The following HCN1 variants were observed in gnomAD, a reference collection of about 807,000 sequenced individuals.
The protein encoded by HCN1 is hyperpolarization activated cyclic nucleotide gated potassium channel 1, also known as potassium/sodium hyperpolarization-activated cyclic nucleotide-gated channel 1.
HCN1 carries 13 observed loss-of-function variants against 78.9 expected under a neutral mutation model. The ratio of observed to expected loss-of-function variants is 0.16; its 90% CI spans 0.11 to 0.26. The LOEUF is 0.26. HCN1 is among the 10% of genes least tolerant of loss of function. The pLI is 1.00. For synonymous variants in HCN1, 552 were observed against 455.5 expected, an observed-to-expected ratio of 1.21 and a Z score of -2.70; for missense variants, 810 against 1,154.3, an observed-to-expected ratio of 0.70 and a Z score of 4.32.
At chr5:45,352,284 C>A (rs1013681529) in intron 5 of HCN1, among the ~76,000 whole-genome samples, 1 of 151,562 alleles carries the variant, frequency 6.6e-6, no homozygotes, top group Admixed American at 6.6e-5. Context: ...GACAAAAAAT[C>A]GAACACCGCA....
chr5:45,553,138 C>G (rs1389579459), intron 2 of HCN1, among the ~76,000 whole-genome samples: 1 of 151,810 alleles, frequency 6.6e-6, no homozygotes, highest in Non-Finnish European at 1.5e-5. Context: ...TGTCCTAAAT[C>G]ACCTGCCCAG....
intron 2 of HCN1, among the ~76,000 whole-genome samples, chr5:45,625,411 G>T (rs1471937306): frequency 6.6e-6 from 1 of 152,000 alleles, no homozygotes; most frequent in African/African-American, 2.4e-5. Context: ...AGATAAGGTA[G>T]GGCACCCCAG....
intron 6 of HCN1, among the ~76,000 whole-genome samples, chr5:45,288,366 C>T (rs565864203): frequency 2.2e-4 from 34 of 152,014 alleles, no homozygotes; most frequent in African/African-American, 8.0e-4. Context: ...CTAGAATAGG[C>T]AAGAAGACAT....
At chr5:45,290,984 C>T (rs1473451960) in intron 6 of HCN1, among the ~76,000 whole-genome samples, 3 of 151,976 alleles carry the variant, frequency 2.0e-5, no homozygotes, top group Non-Finnish European at 4.4e-5. Context: ...GGCATATACT[C>T]ATTGTGTCCA....
chr5:45,335,733 C>T (rs901644606), intron 5 of HCN1, among the ~76,000 whole-genome samples: 5 of 152,066 alleles, frequency 3.3e-5, no homozygotes, highest in Non-Finnish European at 5.9e-5. Flanking sequence ...TTACTATGTG[C>T]CAGGCACTTT....
At chr5:45,528,326 A>G (rs1402721206) in intron 2 of HCN1, among the ~76,000 whole-genome samples, 1 of 151,896 alleles carries the variant, frequency 6.6e-6, no homozygotes. Context: ...AATAGCTTAT[A>G]TTTCATATAT....
At chr5:45,543,249 A>G (rs1050973367) in intron 2 of HCN1, among the ~76,000 whole-genome samples, 11 of 152,164 alleles carry the variant, frequency 7.2e-5, no homozygotes, top group African/African-American at 2.7e-4. Flanking sequence ...ACCAAGAACC[A>G]AAGATTTACT....
At chr5:45,595,601 T>C (rs1422458911) in intron 2 of HCN1, among the ~76,000 whole-genome samples, 2 of 152,172 alleles carry the variant, frequency 1.3e-5, no homozygotes, top group Non-Finnish European at 2.9e-5. Context: ...AGTCATTCTA[T>C]AGTCTAAAGA....
intron 2 of HCN1, among the ~76,000 whole-genome samples, chr5:45,595,321 G>T (rs762643522): frequency 1.3e-5 from 2 of 152,080 alleles, no homozygotes; most frequent in East Asian, 1.9e-4. Context: ...TGCAAATTAA[G>T]AATTTGATGC....
At chr5:45,498,410 T>A (rs1742099350) in intron 2 of HCN1, among the ~76,000 whole-genome samples, 1 of 152,202 alleles carries the variant, frequency 6.6e-6, no homozygotes, top group South Asian at 2.1e-4. Flanking sequence ...CTTCATGTAG[T>A]TCTCGAGCCT....
intron 2 of HCN1, among the ~76,000 whole-genome samples, chr5:45,515,673 C>G (rs759653821): frequency 1.6e-4 from 25 of 152,056 alleles, no homozygotes; most frequent in Non-Finnish European, 3.1e-4. Flanking sequence ...TACAATTCTA[C>G]TAACGTCCCA....
At chr5:45,532,023 G>C (rs1039519330) in intron 2 of HCN1, among the ~76,000 whole-genome samples, 2 of 152,198 alleles carry the variant, frequency 1.3e-5, no homozygotes, top group African/African-American at 4.8e-5. Flanking sequence ...CTGGGCGACA[G>C]AGCAAGACTC....
intron 2 of HCN1, among the ~76,000 whole-genome samples, chr5:45,472,859 A>G (rs981543198): frequency 6.6e-6 from 1 of 151,888 alleles, no homozygotes; most frequent in Non-Finnish European, 1.5e-5. Flanking sequence ...ATCCTTCATC[A>G]CATCACAATA....
At chr5:45,283,111 T>A (rs1452081129) in intron 6 of HCN1, among the ~76,000 whole-genome samples, 1 of 152,196 alleles carries the variant, frequency 6.6e-6, no homozygotes, top group Non-Finnish European at 1.5e-5. Flanking sequence ...GAAAATATAC[T>A]TTGATAGCAT....
chr5:45,623,720 A>G (rs1344512513), intron 2 of HCN1, among the ~76,000 whole-genome samples: 6 of 152,212 alleles, frequency 3.9e-5, no homozygotes, highest in South Asian at 2.1e-4. Flanking sequence ...AGGACAACAC[A>G]ATAATGAAAC....
intron 2 of HCN1, among the ~76,000 whole-genome samples, chr5:45,479,865 A>G (rs1038215853): frequency 6.6e-6 from 1 of 152,200 alleles, no homozygotes; most frequent in African/African-American, 2.4e-5. Flanking sequence ...ATTTTTAACT[A>G]ATCATTTCAC....
intron 3 of HCN1, among the ~76,000 whole-genome samples, chr5:45,406,580 T>C (rs1344879115): frequency 4.6e-5 from 7 of 152,172 alleles, no homozygotes; most frequent in African/African-American, 1.7e-4. Context: ...ATAAACTCTC[T>C]TCATTCCAAA....
At chr5:45,375,196 T>C (rs1304044664) in intron 4 of HCN1, among the ~76,000 whole-genome samples, 1 of 113,260 alleles carries the variant, frequency 8.8e-6, no homozygotes, top group Non-Finnish European at 1.7e-5. Context: ...TTATATATAA[T>C]ATAATATTTT....
intron 2 of HCN1, among the ~76,000 whole-genome samples, chr5:45,480,913 C>CTATGTCA (rs1277364611): frequency 6.6e-6 from 1 of 152,206 alleles, no homozygotes; most frequent in African/African-American, 2.4e-5. Context: ...CTTTCAAACA[C>CTATGTCA]TATGTCATAT....
Sources: gnomAD v4.1 joint callset for allele counts (sites outside exome capture counted in the v4.1 genomes callset) on GRCh38, gnomAD v4.1.1 for gene constraint, MANE v1.5 for transcripts, NCBI Gene and HGNC (gene_info 2026-07-23, HGNC 2026-07-21) for gene names.